B4GALT6: variants seen among roughly 807,000 people sequenced by gnomAD.
B4GALT6 encodes the protein UDP-Gal:beta-GlcNAc beta-1,4-galactosyltransferase 6.
A neutral mutation model predicts 46.3 loss-of-function variants in B4GALT6; 14 were observed. The ratio of observed to expected loss-of-function variants is 0.30; its 90% CI spans 0.20 to 0.47. B4GALT6 has a LOEUF of 0.47. B4GALT6 is among the 20% of genes least tolerant of loss of function. The pLI is 0.99. For missense variants in B4GALT6, 386 were observed against 480.1 expected, an observed-to-expected ratio of 0.80 and a Z score of 1.83; for synonymous variants, 168 against 162.0, an observed-to-expected ratio of 1.04 and a Z score of -0.28.
At chr18:31,691,486 G>C in the B4GALT6 span, among the ~76,000 whole-genome samples, 1 of 151,736 alleles carries the variant, frequency 6.6e-6, no homozygotes, top group African/African-American at 2.4e-5. Context: ...AGTATACTAT[G>C]AAAGTACCCT....
At chr18:31,653,237 C>A (rs1373181366) in intron 3 of B4GALT6, among the ~76,000 whole-genome samples, 2 of 151,830 alleles carry the variant, frequency 1.3e-5, no homozygotes, top group African/African-American at 4.8e-5. Flanking sequence ...ATTTCCCATA[C>A]ACGCCACTTA....
Position 31,625,756 on chromosome 18 carries a change from T to G in B4GALT6, c.1007A>C (p.Lys336Thr), listed in dbSNP as rs1464770128. ...ACGCTCCTTGGAATACCTTAGTAAT[T>G]TATACCTATAGTTTTAGAGGAAAAA... ...RGEVQFLGRY[K>T]LLRYSKERQY... The change falls in exon 9 of 9, where the codon AAA becomes ACA. Residue 336 changes from lysine (K) to threonine (T), a missense_variant. Physicochemically the swap from Lys to Thr is moderately conservative, Grantham distance 78. Transcript: ENST00000306851. The G allele has an allele frequency of 6.3e-7, 1 of 1,584,024 alleles. No individual in the cohort carries two copies. Among genetic ancestry groups the G allele is most frequent in the Non-Finnish European group, 8.5e-7 (1 of 1,171,674 alleles).
At chr18:31,636,469 CA>C (rs1474239901) in intron 5 of B4GALT6, among the ~76,000 whole-genome samples, 1 of 152,198 alleles carries the variant, frequency 6.6e-6, no homozygotes, top group African/African-American at 2.4e-5. Flanking sequence ...ACAGAAACTT[CA>C]CCATAGAAGG....
chr18:31,684,555 T>C lies in B4GALT6; in HGVS notation c.-129A>G, dbSNP rs1329983671. 6.9e-7 allele frequency: 1 copy of C among 1,452,462 alleles called. No homozygotes were observed. Among genetic ancestry groups the C allele is most frequent in the Non-Finnish European group, 9.1e-7 (1 of 1,099,096 alleles). 90.0% of individuals were successfully genotyped at this position (1,452,462 alleles called of 1,614,324 possible). A position where few individuals can be genotyped will look rare whatever the true frequency, so the allele number is the denominator to read the frequency against. On this transcript the variant is annotated 5_prime_UTR_variant, in exon 1 of 9. Coordinates refer to ENST00000306851, the MANE Select transcript of B4GALT6 (RefSeq NM_004775.5). The stretch of plus-strand genomic sequence containing the variant: ...CAGCGGGGTCCGCGCGGGGAGGCTC[T>C]GGGGAGAGGGCCCGAGCGGAAAAGA...
chr18:31,638,915 A>G (rs777527871), intron 4 of B4GALT6, among the ~76,000 whole-genome samples, 155 bp from the exon 5 acceptor site: 1 of 152,210 alleles, frequency 6.6e-6, no homozygotes, highest in Admixed American at 6.5e-5. Context: ...ACACGCAAAA[A>G]GCCCTTGCTG....
the B4GALT6 span, among the ~76,000 whole-genome samples, chr18:31,709,856 G>A: frequency 1.3e-5 from 2 of 152,022 alleles, no homozygotes; most frequent in Non-Finnish European, 2.9e-5. Flanking sequence ...ACTTTGAGAA[G>A]CCAAGGCAGG....
intron 1 of B4GALT6, among the ~76,000 whole-genome samples, chr18:31,675,542 C>A (rs1299266436): frequency 1.3e-5 from 2 of 152,306 alleles, no homozygotes; most frequent in East Asian, 3.8e-4. Context: ...TAACTATCAG[C>A]CTTGTCATCT....
chr18:31,705,943 T>C, the B4GALT6 span, among the ~76,000 whole-genome samples: 14 of 152,258 alleles, frequency 9.2e-5, no homozygotes, highest in African/African-American at 3.4e-4. Flanking sequence ...GTCATTTTGC[T>C]GATTCCCTCA....
At chr18:31,708,781 T>G in the B4GALT6 span, among the ~76,000 whole-genome samples, 2 of 152,068 alleles carry the variant, frequency 1.3e-5, no homozygotes, top group South Asian at 2.1e-4. Flanking sequence ...TAGATAGATC[T>G]GGGGAGAAAA....
chr18:31,631,070 T>C lies in B4GALT6; in HGVS notation c.665A>G (p.Asp222Gly), dbSNP rs1399904040. 6.2e-7 allele frequency: 1 copy of C among 1,614,166 alleles called. No homozygotes were observed. The highest frequency in any genetic ancestry group is 8.5e-7 in the Non-Finnish European group (1 of 1,180,026). ...ATCCACATCGTGGAAGATTACACAGTCCCAGACACTGTCTTTCATGGCCTC... is the reference window on the plus strand; with the variant it reads ...ATCCACATCGTGGAAGATTACACAGCCCCAGACACTGTCTTTCATGGCCTC... ...FKEAMKDSVW[D>G]CVIFHDVDHL... Residue 222 changes from aspartate to glycine, a missense_variant, in exon 6 of 9, where the codon GAC (aspartate) becomes GGC (glycine). Around this residue, in one of 2 missense-constraint regions of B4GALT6, gnomAD observed 323 missense variants for 438.9 expected, o/e 0.74. Transcript: ENST00000306851.
chr18:31,672,399 T>C (rs1245761834), intron 1 of B4GALT6, among the ~76,000 whole-genome samples: 1 of 152,192 alleles, frequency 6.6e-6, no homozygotes, highest in African/African-American at 2.4e-5. Flanking sequence ...GGAACTATCG[T>C]GATAAATTCC....
chr18:31,722,491 G>T, the B4GALT6 span, among the ~76,000 whole-genome samples: 1 of 152,188 alleles, frequency 6.6e-6, no homozygotes, highest in East Asian at 1.9e-4. Context: ...GCAGAATCCT[G>T]GGTGGCTGCT....
the B4GALT6 span, among the ~76,000 whole-genome samples, chr18:31,695,024 A>G: frequency 6.6e-6 from 1 of 152,244 alleles, no homozygotes; most frequent in Non-Finnish European, 1.5e-5. Flanking sequence ...AGGAGACTTC[A>G]TCGTATAATA....
chr18:31,667,189 C>T (rs1302843462), intron 1 of B4GALT6, among the ~76,000 whole-genome samples: 1 of 152,104 alleles, frequency 6.6e-6, no homozygotes, highest in Non-Finnish European at 1.5e-5. Context: ...TAGTGCTGTG[C>T]ATAACTTTGT....
intron 1 of B4GALT6, among the ~76,000 whole-genome samples, chr18:31,673,825 T>A (rs1026542531): frequency 3.9e-5 from 6 of 152,064 alleles, no homozygotes; most frequent in African/African-American, 1.4e-4. Context: ...AAGCTAAGGA[T>A]TCTGAGATGA....
rs984438504 is a variant in B4GALT6 at position 31,684,575 on chromosome 18, A to T, written c.-149T>A. The T allele has an allele frequency of 7.1e-7, 1 of 1,414,772 alleles. No homozygotes were observed. The highest frequency in any genetic ancestry group is 9.3e-7 in the Non-Finnish European group (1 of 1,080,796). The allele number at this position is 1,414,772 out of a possible 1,614,324, so 87.6% of individuals were successfully genotyped here. ...GGCTCTGGGGAGAGGGCCCGAGCGG[A>T]AAAGAGGAAATGGGAGGGAGCGGAC... is the stretch of plus-strand genomic sequence containing the variant. On this transcript the variant is annotated 5_prime_UTR_variant, in exon 1 of 9. Transcript: ENST00000306851.
intron 3 of B4GALT6, among the ~76,000 whole-genome samples, chr18:31,647,026 G>A (rs868151336): frequency 2.0e-5 from 3 of 152,230 alleles, no homozygotes; most frequent in Non-Finnish European, 2.9e-5. Context: ...TGCAGAGAAA[G>A]AGTAAGTAAA....
At chr18:31,690,965 A>T in the B4GALT6 span, among the ~76,000 whole-genome samples, 2 of 152,030 alleles carry the variant, frequency 1.3e-5, no homozygotes, top group Non-Finnish European at 2.9e-5. Flanking sequence ...AGGGAGGGGA[A>T]CACCACACAC....
At chr18:31,717,500 AG>A in the B4GALT6 span, among the ~76,000 whole-genome samples, 29 of 152,212 alleles carry the variant, frequency 1.9e-4, no homozygotes, top group African/African-American at 7.0e-4. Context: ...ACCTCAATAA[AG>A]GAAATAAATG....
Sources: gnomAD v4.1 joint callset for allele counts (sites outside exome capture counted in the v4.1 genomes callset) on GRCh38, gnomAD v4.1.1 for gene constraint, gnomAD v4.1.1 regional missense constraint, MANE v1.5 for transcripts, NCBI Gene and HGNC (gene_info 2026-07-23, HGNC 2026-07-21) for gene names.